HFM1: variants seen among roughly 807,000 people sequenced by gnomAD.
HFM1 encodes helicase for meiosis 1.
A neutral mutation model predicts 192.1 loss-of-function variants in HFM1; 169 were observed. That is an observed-to-expected ratio of 0.88 (90% CI 0.78 to 1.00). The LOEUF (loss-of-function observed/expected upper bound fraction) is 1.00. Among genes scored for constraint, HFM1 ranks in the 50% least tolerant of loss-of-function variants. The pLI is 0.00. For synonymous variants in HFM1, 525 were observed against 537.8 expected (o/e 0.98, Z 0.33); for missense variants, 1,661 against 1,668.0 (o/e 1.00, Z 0.07).
Position 91,378,123 on chromosome 1 carries a change from T to G in HFM1, c.1297A>C (p.Lys433Gln). The G allele has an allele frequency of 6.2e-7, 1 of 1,610,906 alleles. No individual in the cohort carries two copies. The highest frequency in any genetic ancestry group is 8.5e-7 in the Non-Finnish European group (1 of 1,178,178). ...GTCTGAGAAACAGACTGTACAGTTT[T>G]CATTCTGCTAACTACAACTTCAAGA... is the stretch of plus-strand genomic sequence containing the variant. Reference protein sequence around the residue: ...PTLEVVVSRMKTVQSVSQTLK... With the variant: ...PTLEVVVSRMQTVQSVSQTLK... Residue 433 changes from lysine (K) to glutamine (Q), a missense_variant, in exon 11 of 39, where the codon AAA becomes CAA. Lys to Gln is a moderately conservative substitution (Grantham distance 53). Transcript: ENST00000370425.
Position 91,297,077 on chromosome 1 carries a change from C to T in HFM1, c.3391+16272G>A, listed in dbSNP as rs144748836. Among the ~76,000 whole-genome samples the T allele has an allele frequency of 4.3e-3, 650 of 152,268 alleles. 3 individuals carry two copies. The highest frequency in any genetic ancestry group is 0.015 in the African/African-American group (609 of 41,566). ...GGGTGACAGACGGCACCTGGAAAAT[C>T]GGGTCACTCCCACCCTAATACTGCA... On this transcript the variant is annotated intron_variant, in intron 30 of 38. Coordinates refer to ENST00000370425, the MANE Select transcript of HFM1 (RefSeq NM_001017975.6).
chr1:91,277,591 ATATATATACTTTATATATATAC>A (rs1666961471), intron 30 of HFM1, among the ~76,000 whole-genome samples: 1 of 10,092 alleles, frequency 9.9e-5, no homozygotes, highest in Non-Finnish European at 1.9e-4. Flanking sequence ...TTTATATATA[ATATATATACTTTATATATATAC>A]TATATACTAA....
At chr1:91,321,747 T>C (rs1384610917) in intron 23 of HFM1, among the ~76,000 whole-genome samples, 1 of 152,156 alleles carries the variant, frequency 6.6e-6, no homozygotes, top group African/African-American at 2.4e-5. Flanking sequence ...TAAATTATGA[T>C]ATGTATAAAA....
chr1:91,375,453 A>G lies in HFM1; in HGVS notation c.1597-7T>C, dbSNP rs200102648. On this transcript the variant is annotated splice_region_variant and splice_polypyrimidine_tract_variant and intron_variant, in intron 12 of 38. Coordinates refer to ENST00000370425, the MANE Select transcript of HFM1 (RefSeq NM_001017975.6). ...CCTTCCTTGTTGCACAAAACTGAAA[A>G]TAAATTCATAACGTTTGTATTAATC... 4.3e-6 allele frequency: 7 copies of G among 1,612,804 alleles called. No individual in the cohort carries two copies. The African/African-American group carries it at 9.3e-5, about 22-fold the overall frequency.
chr1:91,300,824 T>C (rs376632348), intron 30 of HFM1, among the ~76,000 whole-genome samples: 1 of 152,008 alleles, frequency 6.6e-6, no homozygotes, highest in African/African-American at 2.4e-5. Context: ...CCACAGCCAA[T>C]ATCATACTGA....
chr1:91,347,132 G>A (rs1016682852), intron 19 of HFM1, among the ~76,000 whole-genome samples: 16 of 151,998 alleles, frequency 1.1e-4, no homozygotes, highest in African/African-American at 3.9e-4. Context: ...AAAATACAGA[G>A]TGTGTATCTG....
Position 91,273,796 on chromosome 1 carries a change from A to G in HFM1, c.3688T>C (p.Ser1230Pro), listed in dbSNP as rs759121269. 1.5e-5 allele frequency: 24 copies of G among 1,568,894 alleles called. No individual in the cohort carries two copies. The highest frequency in any genetic ancestry group is 2.0e-5 in the Non-Finnish European group (23 of 1,142,636). The change falls in exon 34 of 39, where the codon TCT becomes CCT. Residue 1230 changes from serine (S) to proline (P), a missense_variant. Transcript: ENST00000370425. The part of the protein sequence containing the change: ...SISRSEYLNI[S>P]ELPIMEQWDQ... Reference sequence around the variant, plus strand: ...CACTGCTCCATTATAGGCAATTCAGATATGTTTAAATATTCTGACCTTTAT... The same window carrying G: ...CACTGCTCCATTATAGGCAATTCAGGTATGTTTAAATATTCTGACCTTTAT...
intron 30 of HFM1, among the ~76,000 whole-genome samples, chr1:91,306,537 C>A (rs1006986719): frequency 6.6e-6 from 1 of 152,034 alleles, no homozygotes. Flanking sequence ...TGCATACATG[C>A]AATAAACCAT....
At chr1:91,386,374 G>C (rs1662220038) in intron 4 of HFM1, among the ~76,000 whole-genome samples, 1 of 152,202 alleles carries the variant, frequency 6.6e-6, no homozygotes, top group African/African-American at 2.4e-5. Flanking sequence ...ACCTTGAAGA[G>C]AGACCTGATA....
intron 30 of HFM1, among the ~76,000 whole-genome samples, chr1:91,282,259 TTTATGTTCGAGACC>T (rs1220083454): frequency 2.0e-5 from 3 of 152,202 alleles, no homozygotes; most frequent in Non-Finnish European, 4.4e-5. Flanking sequence ...AGGTATTGAC[TTTATGTTCGAGACC>T]TCCGGTTTTC....
intron 19 of HFM1, among the ~76,000 whole-genome samples, chr1:91,345,368 A>G (rs536985649): frequency 2.1e-4 from 32 of 152,264 alleles, no homozygotes; most frequent in African/African-American, 7.7e-4. Context: ...GTGAGAGTAG[A>G]ATAAAAGAGA....
At chr1:91,366,177 G>C (rs747922854) in intron 13 of HFM1, among the ~76,000 whole-genome samples, 2 of 152,134 alleles carry the variant, frequency 1.3e-5, no homozygotes, top group Non-Finnish European at 2.9e-5. Flanking sequence ...CAGAAAAAAG[G>C]GAGAGGATAA....
intron 13 of HFM1, among the ~76,000 whole-genome samples, chr1:91,373,241 G>A (rs2101944069): frequency 6.6e-6 from 1 of 152,084 alleles, no homozygotes; most frequent in Non-Finnish European, 1.5e-5. Context: ...TGGTGGCAAA[G>A]GAACAGACTG....
At chr1:91,296,956 G>C (rs1046422446) in intron 30 of HFM1, among the ~76,000 whole-genome samples, 3 of 152,206 alleles carry the variant, frequency 2.0e-5, no homozygotes, top group Non-Finnish European at 4.4e-5. Flanking sequence ...AGGACAGTGG[G>C]TGCAGTGCAC....
rs748538937 is a variant in HFM1, at chr1:91,353,150, T to C, written c.1732A>G (p.Ile578Val). The change falls in exon 15 of 39, where the codon ATC becomes GTC. Residue 578 changes from isoleucine (I) to valine (V), a missense_variant and splice_region_variant. Ile to Val is a conservative substitution (Grantham distance 29, BLOSUM62 3). Coordinates refer to ENST00000370425, the MANE Select transcript of HFM1 (RefSeq NM_001017975.6). ...TGATAAGCAGCACCATCTTTTAAGA[T>C]ATCTGTAATAGAAATATATCAGCTG... Reference protein sequence around the residue: ...YSVRDSKLRDILKDGAAYHHA... With the variant: ...YSVRDSKLRDVLKDGAAYHHA... The C allele has an allele frequency of 1.2e-6, 2 of 1,602,526 alleles. No homozygotes were observed. Among genetic ancestry groups the C allele is most frequent in the East Asian group, 2.2e-5 (1 of 44,686 alleles).
At chr1:91,275,857 A>C (rs933516802) in intron 32 of HFM1, among the ~76,000 whole-genome samples, 2 of 152,156 alleles carry the variant, frequency 1.3e-5, no homozygotes, top group African/African-American at 4.8e-5. Flanking sequence ...AGTGACTTTT[A>C]CAAAATACAA....
intron 13 of HFM1, among the ~76,000 whole-genome samples, chr1:91,368,887 TAAAGGGATGGAGGAAG>T (rs1366504805): frequency 6.6e-6 from 1 of 151,800 alleles, no homozygotes; most frequent in Non-Finnish European, 1.5e-5. Context: ...ATGCTCAAAA[TAAAGGGATGGAGGAAG>T]ATCTACCAAG....
chr1:91,293,093 A>G (rs1668971585), intron 30 of HFM1, among the ~76,000 whole-genome samples: 1 of 152,204 alleles, frequency 6.6e-6, no homozygotes, highest in Non-Finnish European at 1.5e-5. Flanking sequence ...CTAAAACCAT[A>G]AAAACCCTAG....
At chr1:91,358,691 A>G (rs1658069238) in intron 13 of HFM1, among the ~76,000 whole-genome samples, 1 of 152,236 alleles carries the variant, frequency 6.6e-6, no homozygotes, top group Non-Finnish European at 1.5e-5. Context: ...AAACTCCCAG[A>G]AGAGAACATA....
Sources: allele counts gnomAD v4.1 joint callset (sites outside exome capture counted in the v4.1 genomes callset), GRCh38; gene constraint gnomAD v4.1.1; transcripts MANE v1.5; gene names NCBI Gene and HGNC (gene_info 2026-07-23, HGNC 2026-07-21).